Variants in PDC observed in about 807,000 individuals in gnomAD.
The protein encoded by PDC is 33 kDa phototransducing protein.
In PDC, 19 loss-of-function variants were observed where a neutral mutation model predicts 22.2. That is an observed-to-expected ratio of 0.86 (90% CI 0.60 to 1.26). The LOEUF is 1.26. PDC is among the 50% of genes most tolerant of loss of function. The pLI is 0.00. For synonymous variants in PDC, 97 were observed against 96.2 expected, an observed-to-expected ratio of 1.01 and a Z score of -0.05; for missense variants, 274 against 286.8, an observed-to-expected ratio of 0.96 and a Z score of 0.32.
intron 1 of PDC, among the ~76,000 whole-genome samples, chr1:186,459,864 A>G (rs996631376): frequency 6.7e-6 from 1 of 149,134 alleles, no homozygotes; most frequent in Non-Finnish European, 1.5e-5. Flanking sequence ...ACTCATTTTC[A>G]TGATGCAAAC....
At chr1:186,445,112 C>A (rs1347772437) in intron 3 of PDC, among the ~76,000 whole-genome samples, 1 of 152,092 alleles carries the variant, frequency 6.6e-6, no homozygotes, top group Non-Finnish European at 1.5e-5. Context: ...CCTGCAGGGC[C>A]TTCCATAATA....
chr1:186,452,242 T>G (rs955362950), intron 1 of PDC, among the ~76,000 whole-genome samples: 9 of 152,174 alleles, frequency 5.9e-5, no homozygotes, highest in African/African-American at 1.2e-4. Context: ...ACAATTAATT[T>G]TTTTTTGTCT....
intron 3 of PDC, among the ~76,000 whole-genome samples, chr1:186,446,218 T>C (rs1662224194): frequency 6.6e-6 from 1 of 152,248 alleles, no homozygotes; most frequent in South Asian, 2.1e-4. Context: ...GGTCAGCTCA[T>C]GTATTCGTAA....
At position 186,449,964 on chromosome 1, in the gene PDC, A is replaced by G. The variant is rs193186559; in HGVS notation, c.-24-481T>C. ...TATTTTATGTGTCAAAACTCATTTA[A>G]TTCTCACATAGCTATATGTGGTAGG... On this transcript the variant is annotated intron_variant, in intron 1 of 3. Transcript: ENST00000391997. 2.7e-3 allele frequency among the ~76,000 whole-genome samples: 406 copies of G among 152,314 alleles called. 4 individuals carry two copies. Among genetic ancestry groups the G allele is most frequent in the African/African-American group, 9.5e-3 (393 of 41,566 alleles).
chr1:186,456,676 G>A (rs1220448594), intron 1 of PDC, among the ~76,000 whole-genome samples: 1 of 152,050 alleles, frequency 6.6e-6, no homozygotes, highest in Admixed American at 6.5e-5. Context: ...GTTTACATGA[G>A]AGCATATATT....
At chr1:186,453,592 C>A (rs1662395700) in intron 1 of PDC, among the ~76,000 whole-genome samples, 2 of 152,194 alleles carry the variant, frequency 1.3e-5, no homozygotes, top group Admixed American at 1.3e-4. Context: ...TCTCTCCTAG[C>A]ATCCACAACA....
In PDC at chr1:186,446,476, A is replaced by G; in HGVS notation, c.163T>C (p.Ser55Pro). ...TCTTTGCCATTCCTACTCTGAGGAG[A>G]AGACATTTGCCTGAGAATCTCCTTC... Reference protein sequence around the residue: ...SKKEILRQMSSPQSRNGKDSK... With the variant: ...SKKEILRQMSPPQSRNGKDSK... The change falls in exon 3 of 4, where the codon TCT (serine) becomes CCT (proline). Residue 55 changes from serine (S) to proline (P), a missense_variant. Coordinates refer to ENST00000391997, the MANE Select transcript of PDC (RefSeq NM_002597.5). The G allele has an allele frequency of 6.2e-7, 1 of 1,608,854 alleles. No individual in the cohort carries two copies.
chr1:186,450,830 C>A (rs1662339362), intron 1 of PDC, among the ~76,000 whole-genome samples: 1 of 152,128 alleles, frequency 6.6e-6, no homozygotes, highest in Non-Finnish European at 1.5e-5. Context: ...AACATATTCC[C>A]TCAGGGGTCC....
chr1:186,446,225 G>GT (rs1452683198), intron 3 of PDC, among the ~76,000 whole-genome samples: 3 of 152,144 alleles, frequency 2.0e-5, no homozygotes, highest in Admixed American at 2.0e-4. Flanking sequence ...TCATGTATTC[G>GT]TAACGAATTC....
intron 1 of PDC, among the ~76,000 whole-genome samples, chr1:186,455,990 AAAAAATATATAT>A (rs1275890874): frequency 1.1e-5 from 1 of 89,786 alleles, no homozygotes; most frequent in African/African-American, 5.8e-5. Flanking sequence ...AAAAAAAAAA[AAAAAATATATAT>A]ATATATATAT....
At chr1:186,444,573 T>C in intron 3 of PDC, 67 bp from the exon 4 acceptor site, 1 of 1,054,774 alleles carries the variant, frequency 9.5e-7, no homozygotes, top group Admixed American at 2.3e-5. Flanking sequence ...ACCAAGCCCA[T>C]TCTCAACCGA....
chr1:186,450,161 A>G (rs533634345), intron 1 of PDC, among the ~76,000 whole-genome samples: 1 of 152,300 alleles, frequency 6.6e-6, no homozygotes, highest in South Asian at 2.1e-4. Flanking sequence ...TCTATAATAG[A>G]GTCATTTTTC....
chr1:186,446,729 C>T, intron 2 of PDC, 152 bp from the exon 3 acceptor site: 1 of 481,580 alleles, frequency 2.1e-6, no homozygotes, highest in Non-Finnish European at 3.7e-6. Flanking sequence ...TTTCTGACTG[C>T]CCTGCTCATA....
chr1:186,444,484 A>C lies in PDC; in HGVS notation c.236T>G (p.Leu79Arg). The C allele has an allele frequency of 2.5e-6, 4 of 1,600,280 alleles. No individual in the cohort carries two copies. Among genetic ancestry groups the C allele is most frequent in the Non-Finnish European group, 3.4e-6 (4 of 1,169,186 alleles). Reference sequence around the variant, plus strand: ...TTCATCCTCTTTCTCTTTATGGATTAGTTCATATTCTTGAATGCTCATCTG... The same window carrying C: ...TTCATCCTCTTTCTCTTTATGGATTCGTTCATATTCTTGAATGCTCATCTG... ...SRKMSIQEYELIHKEKEDENC... is the reference protein window; with the variant it reads ...SRKMSIQEYERIHKEKEDENC... Residue 79 changes from leucine (L) to arginine (R), a missense_variant, in exon 4 of 4, where the codon CTA (leucine) becomes CGA (arginine). Physicochemically the swap from Leu to Arg is moderately radical, Grantham distance 102. Coordinates refer to ENST00000391997, the MANE Select transcript of PDC (RefSeq NM_002597.5).
chr1:186,455,040 A>T (rs1662430139), intron 1 of PDC, among the ~76,000 whole-genome samples: 1 of 152,204 alleles, frequency 6.6e-6, no homozygotes, highest in South Asian at 2.1e-4. Flanking sequence ...AAATAAACAC[A>T]GTTGCTAGGT....
intron 1 of PDC, among the ~76,000 whole-genome samples, chr1:186,456,482 C>T (rs1662475238): frequency 6.6e-6 from 1 of 152,078 alleles, no homozygotes; most frequent in South Asian, 2.1e-4. Flanking sequence ...TCCCCAAGTA[C>T]AAAGTAAAGA....
At chr1:186,451,203 G>A (rs111705248) in intron 1 of PDC, 2 of 152,098 alleles carry the variant, frequency 1.3e-5, no homozygotes, top group Non-Finnish European at 2.9e-5. Flanking sequence ...AAATGTCTTT[G>A]CCAATTTGAG....
At chr1:186,452,783 G>A (rs1373801105) in intron 1 of PDC, among the ~76,000 whole-genome samples, 1 of 152,148 alleles carries the variant, frequency 6.6e-6, no homozygotes, top group Non-Finnish European at 1.5e-5. Context: ...CTTTGGGTAA[G>A]CACATCTTTG....
intron 1 of PDC, chr1:186,451,813 T>C (rs987103183): frequency 1.4e-4 from 21 of 152,200 alleles, no homozygotes; most frequent in African/African-American, 4.8e-4. Flanking sequence ...TTAATATATG[T>C]TGAGAATAGA....
Sources: allele counts gnomAD v4.1 joint callset (sites outside exome capture counted in the v4.1 genomes callset), GRCh38; gene constraint gnomAD v4.1.1; transcripts MANE v1.5; gene names NCBI Gene and HGNC (gene_info 2026-07-23, HGNC 2026-07-21).